The following TAFA2 variants were observed in gnomAD, a reference collection of about 807,000 sequenced individuals.
TAFA2 encodes chemokine-like protein TAFA-2.
Under a neutral mutation model 18.8 loss-of-function variants are expected in TAFA2, and 7 were observed. The observed-to-expected ratio is 0.37, with a 90% CI of 0.21 to 0.70. The LOEUF (loss-of-function observed/expected upper bound fraction) is 0.70. TAFA2 is among the 30% of genes least tolerant of loss of function. The pLI, the probability that TAFA2 is intolerant of heterozygous loss-of-function variation, is 0.53. For synonymous variants in TAFA2, 60 were observed against 54.2 expected (o/e 1.11, Z -0.47); for missense variants, 122 against 158.1 (o/e 0.77, Z 1.23).
intron 1 of TAFA2, among the ~76,000 whole-genome samples, chr12:62,182,381 C>T (rs1328898699): frequency 6.6e-6 from 1 of 152,156 alleles, no homozygotes; most frequent in African/African-American, 2.4e-5. Flanking sequence ...AGCTGCTTGC[C>T]ACAGGGAGAA....
At chr12:62,023,158 C>T (rs1371980526) in intron 1 of TAFA2, among the ~76,000 whole-genome samples, 3 of 152,028 alleles carry the variant, frequency 2.0e-5, no homozygotes, top group Non-Finnish European at 4.4e-5. Context: ...ATTGGTATTT[C>T]GGCCTGTTTT....
At chr12:62,171,222 T>C (rs993275780) in intron 1 of TAFA2, among the ~76,000 whole-genome samples, 5 of 152,126 alleles carry the variant, frequency 3.3e-5, no homozygotes, top group African/African-American at 1.2e-4. Context: ...GTGGACAACC[T>C]ATAGTATTTG....
intron 1 of TAFA2, among the ~76,000 whole-genome samples, chr12:61,888,034 C>T (rs1875465833): frequency 6.6e-6 from 1 of 151,774 alleles, no homozygotes; most frequent in Non-Finnish European, 1.5e-5. Context: ...AATGAGATAC[C>T]ATCTCACACC....
chr12:61,887,517 C>T (rs1483341868), intron 1 of TAFA2, among the ~76,000 whole-genome samples: 3 of 151,050 alleles, frequency 2.0e-5, no homozygotes, highest in South Asian at 2.1e-4. Flanking sequence ...ATGTGCCATG[C>T]TGGTGTGCTG....
In TAFA2 at chr12:62,079,070, G is replaced by A. The variant is rs1408675178; in HGVS notation, c.-2+112189C>T. ...TCTAAAGGACTCGAGTGTTGCCAGT[G>A]AAGTCACACTGAGTTTACGATGCCA... On this transcript the variant is annotated intron_variant, in intron 1 of 4. Transcript: ENST00000416284. Among the ~76,000 whole-genome samples, 4 of 152,254 alleles carry A rather than the reference G, an allele frequency of 2.6e-5. No homozygotes were observed. The South Asian group carries it at 8.3e-4, about 32-fold the overall frequency.
At chr12:61,913,946 G>A (rs1298731760) in intron 1 of TAFA2, among the ~76,000 whole-genome samples, 1 of 152,160 alleles carries the variant, frequency 6.6e-6, no homozygotes, top group Non-Finnish European at 1.5e-5. Context: ...GAAACAATCA[G>A]TTGAATATGA....
At chr12:61,745,134 C>A (rs1332968139) in intron 4 of TAFA2, among the ~76,000 whole-genome samples, 1 of 151,986 alleles carries the variant, frequency 6.6e-6, no homozygotes, top group Non-Finnish European at 1.5e-5. Context: ...TCAGAAATAT[C>A]AAATTTAAGG....
intron 1 of TAFA2, among the ~76,000 whole-genome samples, chr12:62,025,817 C>T (rs926432443): frequency 4.6e-5 from 7 of 151,938 alleles, no homozygotes; most frequent in Admixed American, 6.6e-5. Context: ...AAATTGCTTG[C>T]CCCATCTTAA....
intron 1 of TAFA2, among the ~76,000 whole-genome samples, chr12:62,257,160 A>ATGTGTG (rs1369986100): frequency 8.8e-4 from 2 of 2,266 alleles, no homozygotes; most frequent in African/African-American, 4.6e-3. Flanking sequence ...ATATACATAT[A>ATGTGTG]TATGTGTGTG....
intron 1 of TAFA2, among the ~76,000 whole-genome samples, chr12:62,039,935 A>T (rs1338767010): frequency 6.6e-6 from 1 of 152,112 alleles, no homozygotes; most frequent in Non-Finnish European, 1.5e-5. Context: ...AGATGCTGAA[A>T]ATCTGTGGAC....
At chr12:61,900,119 T>G (rs1349812480) in intron 1 of TAFA2, among the ~76,000 whole-genome samples, 4 of 152,242 alleles carry the variant, frequency 2.6e-5, no homozygotes, top group Non-Finnish European at 4.4e-5. Context: ...AAGGGATATT[T>G]GGCATATTTC....
At chr12:61,745,492 C>T (rs1436950103) in intron 4 of TAFA2, among the ~76,000 whole-genome samples, 1 of 152,052 alleles carries the variant, frequency 6.6e-6, no homozygotes, top group Non-Finnish European at 1.5e-5. Flanking sequence ...ATGCCCTCAC[C>T]TCCCAAGACC....
chr12:61,842,903 G>T (rs371356936), intron 2 of TAFA2, among the ~76,000 whole-genome samples: 1 of 151,992 alleles, frequency 6.6e-6, no homozygotes, highest in African/African-American at 2.4e-5. Flanking sequence ...TGAAATTCAC[G>T]TCTCAGATTT....
chr12:62,149,515 C>CA (rs923423090), intron 1 of TAFA2, among the ~76,000 whole-genome samples: 2 of 149,078 alleles, frequency 1.3e-5, no homozygotes, highest in African/African-American at 4.9e-5. Context: ...GTTTTGCTGC[C>CA]AAAAAATAAA....
intron 1 of TAFA2, among the ~76,000 whole-genome samples, chr12:62,160,704 G>A (rs139820364): frequency 2.6e-5 from 4 of 152,076 alleles, no homozygotes; most frequent in Admixed American, 6.6e-5. Context: ...GAGTTTACAC[G>A]TTCTCCCCAT....
intron 1 of TAFA2, among the ~76,000 whole-genome samples, chr12:62,060,800 T>C (rs868501270): frequency 5.3e-5 from 8 of 152,114 alleles, no homozygotes; most frequent in African/African-American, 1.9e-4. Context: ...TCATAGTTTT[T>C]AACAAAAACT....
chr12:61,791,153 T>G (rs1318985529), intron 2 of TAFA2, among the ~76,000 whole-genome samples: 1 of 151,826 alleles, frequency 6.6e-6, no homozygotes, highest in Non-Finnish European at 1.5e-5. Context: ...TATATCCAGT[T>G]GTAGGAGAAT....
At chr12:61,919,938 A>G (rs1876982908) in intron 1 of TAFA2, among the ~76,000 whole-genome samples, 1 of 152,102 alleles carries the variant, frequency 6.6e-6, no homozygotes, top group Non-Finnish European at 1.5e-5. Context: ...TAATATCTTA[A>G]ATTTTTCACT....
chr12:62,051,032 G>A (rs1205712192), intron 1 of TAFA2, among the ~76,000 whole-genome samples: 1 of 152,138 alleles, frequency 6.6e-6, no homozygotes, highest in Admixed American at 6.5e-5. Context: ...TTCCCACTCT[G>A]AAAGTTTACT....
Sources: gnomAD v4.1 joint callset for allele counts (sites outside exome capture counted in the v4.1 genomes callset) on GRCh38, gnomAD v4.1.1 for gene constraint, MANE v1.5 for transcripts, NCBI Gene and HGNC (gene_info 2026-07-23, HGNC 2026-07-21) for gene names.